MTA3: variants seen among roughly 807,000 people sequenced by gnomAD.
MTA3 encodes metastasis associated 1 family member 3, also known as metastasis-associated protein MTA3.
Under a neutral mutation model 83.5 loss-of-function variants are expected in MTA3, and 34 were observed. The observed-to-expected ratio is 0.41, with a 90% CI of 0.31 to 0.54. The LOEUF (loss-of-function observed/expected upper bound fraction) is 0.54. Ranked by LOEUF, MTA3 falls within the 20% of genes least tolerant of loss-of-function variation. The pLI is 0.33. For missense variants in MTA3, 761 were observed against 726.4 expected (o/e 1.05, Z -0.55); for synonymous variants, 303 against 252.7 (o/e 1.20, Z -1.89).
chr2:42,534,581 G>A (rs1676132815), intron 2 of MTA3, among the ~76,000 whole-genome samples: 1 of 148,406 alleles, frequency 6.7e-6, no homozygotes, highest in Non-Finnish European at 1.5e-5. Context: ...TGGGCGATGA[G>A]TGAAACTCTA....
At chr2:42,563,897 C>T (rs1174398505), upstream of MTA3, among the ~76,000 whole-genome samples, 1 of 151,514 alleles carries the variant, frequency 6.6e-6, no homozygotes, top group Non-Finnish European at 1.5e-5. Context: ...GATCTCGGCT[C>T]ACTGCAACCT....
chr2:42,708,400 A>T (rs1352769029), intron 13 of MTA3, among the ~76,000 whole-genome samples: 2 of 152,208 alleles, frequency 1.3e-5, no homozygotes, highest in African/African-American at 4.8e-5. Flanking sequence ...AATGCAAATT[A>T]AGCATTTTTT....
intron 2 of MTA3, among the ~76,000 whole-genome samples, chr2:42,544,360 C>T (rs1572955886): frequency 6.6e-6 from 1 of 151,648 alleles, no homozygotes. Flanking sequence ...GCAGGAGAAT[C>T]GCTCGAACCC....
At chr2:42,631,495 G>T (rs1254600258) in intron 4 of MTA3, among the ~76,000 whole-genome samples, 1 of 151,992 alleles carries the variant, frequency 6.6e-6, no homozygotes, top group African/African-American at 2.4e-5. Context: ...AAGTACTTGT[G>T]TGTGTGTTTT....
intron 2 of MTA3, among the ~76,000 whole-genome samples, chr2:42,558,559 A>ATT (rs754200398): frequency 6.9e-5 from 9 of 130,044 alleles, no homozygotes; most frequent in African/African-American, 2.3e-4. Context: ...CTTTAAAAAA[A>ATT]TTTTTTTTTT....
intron 3 of MTA3, among the ~76,000 whole-genome samples, chr2:42,607,911 A>T (rs1198026891): frequency 2.0e-5 from 3 of 152,214 alleles, no homozygotes. Flanking sequence ...AGATTGTGCT[A>T]CTGCACTCTA....
chr2:42,570,603 C>A, intron 2 of MTA3, 99 bp downstream of exon 2: 1 of 602,552 alleles, frequency 1.7e-6, no homozygotes. Flanking sequence ...CTCATGCCTG[C>A]AATCCCAGTA....
At chr2:42,519,820 C>A (rs772600224) in intron 2 of MTA3, among the ~76,000 whole-genome samples, 1 of 151,796 alleles carries the variant, frequency 6.6e-6, no homozygotes. Context: ...GAGGCCGAGG[C>A]AGGTGAACTC....
chr2:42,684,512 A>G (rs1481181785), intron 9 of MTA3, among the ~76,000 whole-genome samples: 12 of 152,238 alleles, frequency 7.9e-5, no homozygotes, highest in East Asian at 3.8e-4. Flanking sequence ...TTTAAAGTGC[A>G]TTGGTATTTA....
chr2:42,673,345 A>G (rs971445246), intron 8 of MTA3, among the ~76,000 whole-genome samples: 1 of 152,156 alleles, frequency 6.6e-6, no homozygotes, highest in Non-Finnish European at 1.5e-5. Context: ...ATCAGTACAG[A>G]TGGCCCTCGA....
At chr2:42,548,808 AAAATATAT>A (rs2103765348) in intron 2 of MTA3, among the ~76,000 whole-genome samples, 1 of 71,414 alleles carries the variant, frequency 1.4e-5, no homozygotes, top group East Asian at 3.3e-4. Context: ...GTCTCAAAAA[AAAATATAT>A]ATATATATAT....
chr2:42,587,637 C>T (rs1249026400), intron 3 of MTA3, among the ~76,000 whole-genome samples: 2 of 151,908 alleles, frequency 1.3e-5, no homozygotes, highest in Non-Finnish European at 2.9e-5. Flanking sequence ...ACTCTTGTCA[C>T]CCAGGCTGGA....
intron 2 of MTA3, among the ~76,000 whole-genome samples, chr2:42,550,270 C>T (rs1348601436): frequency 6.6e-6 from 1 of 152,090 alleles, no homozygotes; most frequent in Non-Finnish European, 1.5e-5. Context: ...ATGATAATTG[C>T]TTAGTTAAGA....
chr2:42,685,492 C>G (rs1009379827), intron 9 of MTA3, among the ~76,000 whole-genome samples: 4 of 152,200 alleles, frequency 2.6e-5, no homozygotes, highest in African/African-American at 7.2e-5. Flanking sequence ...TAACACTCTA[C>G]CTGTGGCTCC....
intron 2 of MTA3, among the ~76,000 whole-genome samples, chr2:42,535,330 T>C (rs1252925357): frequency 6.6e-6 from 1 of 152,074 alleles, no homozygotes; most frequent in Non-Finnish European, 1.5e-5. Context: ...GAGATTGCAG[T>C]GAGCCAAGAT....
At chr2:42,713,684 A>G (rs1333243233) in intron 14 of MTA3, among the ~76,000 whole-genome samples, 2 of 152,140 alleles carry the variant, frequency 1.3e-5, no homozygotes, top group African/African-American at 4.8e-5. Flanking sequence ...TCTATATGAT[A>G]TTAACATACT....
intron 9 of MTA3, among the ~76,000 whole-genome samples, chr2:42,687,031 G>T (rs1290179278): frequency 6.6e-6 from 1 of 151,906 alleles, no homozygotes; most frequent in African/African-American, 2.4e-5. Context: ...GGAGGCTGAG[G>T]CATGAGAATT....
intron 16 of MTA3, among the ~76,000 whole-genome samples, chr2:42,752,990 C>G (rs906220146): frequency 6.6e-6 from 1 of 151,790 alleles, no homozygotes; most frequent in Non-Finnish European, 1.5e-5. Flanking sequence ...CGTGGTGCGA[C>G]CACAGCTCAC....
At chr2:42,726,384 T>C (rs1294233961) in intron 16 of MTA3, among the ~76,000 whole-genome samples, 3 of 151,988 alleles carry the variant, frequency 2.0e-5, no homozygotes, top group African/African-American at 7.3e-5. Context: ...CTTCAAGTTT[T>C]AGGGTACATG....
Sources: allele counts gnomAD v4.1 joint callset (sites outside exome capture counted in the v4.1 genomes callset), GRCh38; gene constraint gnomAD v4.1.1; transcripts MANE v1.5; gene names NCBI Gene and HGNC (gene_info 2026-07-23, HGNC 2026-07-21).